Variants in PALS1 observed in about 807,000 individuals in gnomAD.
PALS1 encodes the protein protein PALS1.
A neutral mutation model predicts 78.9 loss-of-function variants in PALS1; 31 were observed. The ratio of observed to expected loss-of-function variants is 0.39; its 90% CI spans 0.30 to 0.53. PALS1 has a LOEUF of 0.53. PALS1 is among the 20% of genes least tolerant of loss of function. PALS1 has a pLI of 0.67. For missense variants in PALS1, 704 were observed against 826.5 expected, an observed-to-expected ratio of 0.85 and a Z score of 1.82; for synonymous variants, 276 against 270.9, an observed-to-expected ratio of 1.02 and a Z score of -0.18.
At chr14:67,294,484 A>G (rs1316152419) in intron 4 of PALS1, 1 of 152,214 alleles carries the variant, frequency 6.6e-6, no homozygotes, top group Non-Finnish European at 1.5e-5. Context: ...TAAGTTAAAA[A>G]AAAAAACTCA....
chr14:67,303,389 G>A (rs917280298), intron 7 of PALS1, 133 bp from the exon 8 acceptor site: 2 of 657,266 alleles, frequency 3.0e-6, no homozygotes, highest in Non-Finnish European at 5.4e-6. Context: ...CTTTGGTAGA[G>A]CAAAGTGCTG....
chr14:67,258,247 A>G (rs957511422), intron 1 of PALS1, among the ~76,000 whole-genome samples: 2 of 152,076 alleles, frequency 1.3e-5, no homozygotes, highest in African/African-American at 2.4e-5. Flanking sequence ...TAAAAATTTG[A>G]TAATAGGCCA....
At position 67,301,474 on chromosome 14, in the gene PALS1, A is replaced by G; in HGVS notation, c.654+8A>G. 6.3e-7 allele frequency: 1 copy of G among 1,595,798 alleles called. No homozygotes were observed. The stretch of plus-strand genomic sequence containing the variant: ...AATACTCCACATATTCAGGTAGAAA[A>G]TGGACAGAATACTATATATGTGGTT... On this transcript the variant is annotated splice_region_variant and intron_variant, in intron 5 of 14. Transcript: ENST00000261681.
chr14:67,306,185 G>T (rs182802742), intron 8 of PALS1, among the ~76,000 whole-genome samples: 6 of 152,306 alleles, frequency 3.9e-5, no homozygotes, highest in Admixed American at 3.3e-4. Flanking sequence ...GGCCATGCTG[G>T]TCTCGAACTC....
At chr14:67,278,974 T>C in intron 2 of PALS1, 44 bp from the exon 3 acceptor site, 2 of 487,806 alleles carry the variant, frequency 4.1e-6, no homozygotes, top group East Asian at 3.5e-5. Context: ...CCTGCTTTTA[T>C]ATTGTAATTC....
At chr14:67,281,471 A>G (rs1176099893) in intron 3 of PALS1, among the ~76,000 whole-genome samples, 1 of 151,970 alleles carries the variant, frequency 6.6e-6, no homozygotes, top group Admixed American at 6.5e-5. Context: ...TTCATTCCTG[A>G]TTGCTTCTTA....
At chr14:67,259,702 G>C (rs2084204381) in intron 1 of PALS1, among the ~76,000 whole-genome samples, 2 of 151,900 alleles carry the variant, frequency 1.3e-5, no homozygotes, top group Non-Finnish European at 1.5e-5. Flanking sequence ...CTTTGCCCAG[G>C]AATTTAAGAC....
intron 11 of PALS1, among the ~76,000 whole-genome samples, chr14:67,317,681 G>C (rs2085198629): frequency 6.6e-6 from 1 of 152,152 alleles, no homozygotes; most frequent in Admixed American, 6.5e-5. Flanking sequence ...AGCATATGTA[G>C]TATTAAATTG....
At chr14:67,251,536 C>G (rs1464168059) in intron 1 of PALS1, among the ~76,000 whole-genome samples, 1 of 151,540 alleles carries the variant, frequency 6.6e-6, no homozygotes, top group African/African-American at 2.4e-5. Flanking sequence ...GAGAACCTGT[C>G]TCAAAAAAAA....
At chr14:67,284,429 T>TAAATAAAAA (rs1555520585) in intron 3 of PALS1, among the ~76,000 whole-genome samples, 2 of 92,678 alleles carry the variant, frequency 2.2e-5, no homozygotes, top group African/African-American at 1.3e-4. Context: ...CCCTATCTCT[T>TAAATAAAAA]AAAAAAAAAA....
At position 67,316,882 on chromosome 14, in the gene PALS1, G is replaced by A. The variant is rs1328850643; in HGVS notation, c.1276G>A (p.Asp426Asn). The A allele has an allele frequency of 1.9e-6, 3 of 1,611,946 alleles. No homozygotes were observed. The highest frequency in any genetic ancestry group is 2.5e-6 in the Non-Finnish European group (3 of 1,178,836). Residue 426 changes from aspartate to asparagine, a missense_variant, in exon 10 of 15, where the codon GAT (aspartate) becomes AAT (asparagine). Transcript: ENST00000261681. ...REAMKQTIEE[D>N]KEPEKSGKLW... ...AGCCATGAAACAAACCATAGAAGAA[G>A]ATAAGGAGCCAGAAAAATCAGGTTA...
chr14:67,268,049 T>A (rs1215321334), intron 1 of PALS1, among the ~76,000 whole-genome samples: 1 of 152,210 alleles, frequency 6.6e-6, no homozygotes, highest in African/African-American at 2.4e-5. Flanking sequence ...TACAAATCTT[T>A]CTTTGTGATT....
rs2084959471 is a variant in PALS1 at position 67,303,580 on chromosome 14, C to T, written c.1022C>T (p.Pro341Leu). The T allele has an allele frequency of 6.2e-7, 1 of 1,613,510 alleles. No homozygotes were observed. Among genetic ancestry groups the T allele is most frequent in the African/African-American group, 1.3e-5 (1 of 75,016 alleles). ...VLIPSQQIKP[P>L]PAKETVIHVK... The stretch of plus-strand genomic sequence containing the variant: ...ATTCCCAGTCAACAGATCAAGCCGC[C>T]TCCTGCCAAGGAAACAGTAGTAAGT... Residue 341 changes from proline to leucine, a missense_variant, in exon 8 of 15, where the codon CCT becomes CTT. Transcript: ENST00000261681.
intron 1 of PALS1, among the ~76,000 whole-genome samples, chr14:67,244,126 T>A (rs1482432904): frequency 6.6e-6 from 1 of 152,244 alleles, no homozygotes; most frequent in African/African-American, 2.4e-5. Flanking sequence ...TTTTCTTTTT[T>A]AATAACTACT....
intron 1 of PALS1, among the ~76,000 whole-genome samples, chr14:67,261,695 A>G (rs568524057): frequency 2.6e-5 from 4 of 152,202 alleles, no homozygotes; most frequent in Non-Finnish European, 4.4e-5. Flanking sequence ...ATCACTTTAC[A>G]TATGTAGTAG....
rs1274511308 is a variant in PALS1, at chr14:67,336,007, T to A, written c.*3051T>A. Among the ~76,000 whole-genome samples, 2 of 152,226 alleles carry A rather than the reference T, an allele frequency of 1.3e-5. No individual in the cohort carries two copies. The highest frequency in any genetic ancestry group is 4.8e-5 in the African/African-American group (2 of 41,456). ...TTGGCACAGGTATAGGTAGGTCCTG[T>A]TTCCTTAATTATTAAAACCAACAAC... On this transcript the variant is annotated 3_prime_UTR_variant, in exon 15 of 15. Transcript: ENST00000261681.
intron 14 of PALS1, among the ~76,000 whole-genome samples, chr14:67,332,042 G>T (rs2085458595): frequency 1.3e-5 from 2 of 152,108 alleles, no homozygotes; most frequent in South Asian, 4.1e-4. Flanking sequence ...AAATTGTTTT[G>T]TACTATGGGT....
At chr14:67,254,034 C>G (rs764765664) in intron 1 of PALS1, among the ~76,000 whole-genome samples, 24 of 143,390 alleles carry the variant, frequency 1.7e-4, no homozygotes, top group Non-Finnish European at 2.7e-4. Flanking sequence ...ATCCCCCCCC[C>G]CTTACAAGTT....
chr14:67,280,352 A>AT (rs998347832), intron 3 of PALS1, among the ~76,000 whole-genome samples: 2 of 152,184 alleles, frequency 1.3e-5, no homozygotes, highest in Admixed American at 6.5e-5. Context: ...GTGGTTTGCT[A>AT]TTTTTTAGGT....
Sources: gnomAD v4.1 joint callset for allele counts (sites outside exome capture counted in the v4.1 genomes callset) on GRCh38, gnomAD v4.1.1 for gene constraint, MANE v1.5 for transcripts, NCBI Gene and HGNC (gene_info 2026-07-23, HGNC 2026-07-21) for gene names.